Variants in MPRIP observed in about 807,000 individuals in gnomAD.
MPRIP encodes the protein myosin phosphatase Rho interacting protein.
Under a neutral mutation model 234.9 loss-of-function variants are expected in MPRIP, and 59 were observed. The ratio of observed to expected loss-of-function variants is 0.25; its 90% CI spans 0.20 to 0.31. MPRIP has a LOEUF of 0.31. Among genes scored for constraint, MPRIP ranks in the 10% least tolerant of loss-of-function variants. The pLI, the probability that MPRIP is intolerant of heterozygous loss-of-function variation, is 1.00. For synonymous variants in MPRIP, 1,144 were observed against 1,263.9 expected (o/e 0.91, Z 2.01); for missense variants, 2,436 against 3,071.0 (o/e 0.79, Z 4.89).
rs1567752454 is a variant in MPRIP, at chr17:17,150,241, C to T, written c.1719+8C>T. ...TATGGCTTCCAGATACATGTGAGTC[C>T]AGGGATGGAAGTGGGGCCACAGGCT... On this transcript the variant is annotated splice_region_variant and intron_variant, in intron 12 of 23. Transcript: ENST00000651222. 2 of 1,603,142 alleles carry T rather than the reference C, an allele frequency of 1.2e-6. No individual in the cohort carries two copies. Among genetic ancestry groups the T allele is most frequent in the Non-Finnish European group, 8.5e-7 (1 of 1,170,532 alleles).
intron 3 of MPRIP, among the ~76,000 whole-genome samples, chr17:17,092,605 C>T (rs1052103220): frequency 6.6e-6 from 1 of 152,118 alleles, no homozygotes; most frequent in African/African-American, 2.4e-5. Context: ...TCTCCTGCAG[C>T]CCATGGGATC....
In MPRIP at chr17:17,171,866, GT is replaced by G. The variant is rs3215213; in HGVS notation, c.6472+3del. On this transcript the variant is annotated splice_donor_variant, in intron 17 of 23. Transcript: ENST00000651222. LOFTEE classifies it high-confidence loss of function. ...GAGGAGACAGCGGCCACCATCTCAG[GT>G]TGGGGGGTGGGGTAACCCTGAGGGC... The G allele has an allele frequency of 0.1, 165,532 of 1,612,360 alleles. 13,116 individuals are homozygous for G. The highest frequency in any genetic ancestry group is 0.32 in the East Asian group (14,415 of 44,864).
intron 3 of MPRIP, among the ~76,000 whole-genome samples, chr17:17,102,174 C>T (rs182332297): frequency 6.6e-6 from 1 of 152,292 alleles, no homozygotes; most frequent in Admixed American, 6.5e-5. Flanking sequence ...AGGCATGAGC[C>T]ACCGCACCCA....
chr17:17,104,306 G>A (rs2090020739), intron 3 of MPRIP, among the ~76,000 whole-genome samples: 1 of 152,188 alleles, frequency 6.6e-6, no homozygotes, highest in Admixed American at 6.5e-5. Context: ...TTCTGGATGT[G>A]CATACAGCAG....
chr17:17,174,094 G>A lies in MPRIP; in HGVS notation c.6750+19G>A, dbSNP rs1357756929. The A allele has an allele frequency of 5.6e-6, 9 of 1,611,862 alleles. No homozygotes were observed. The South Asian group carries it at 9.9e-5, about 18-fold the overall frequency. On this transcript the variant is annotated intron_variant, in intron 19 of 23. Transcript: ENST00000651222. ...CAACCAGGTGAGCCTGCAGCCAGGT[G>A]AGCCCAAGGTTAGTCAGGGGCACTC... is the stretch of plus-strand genomic sequence containing the variant.
intron 1 of MPRIP, among the ~76,000 whole-genome samples, chr17:17,068,722 G>T (rs770774951): frequency 5.9e-5 from 9 of 151,818 alleles, no homozygotes; most frequent in Middle Eastern, 6.8e-3. Flanking sequence ...GTAGAGATGG[G>T]GTTTCACTGT....
intron 1 of MPRIP, 150 bp from the exon 2 acceptor site, chr17:17,075,560 G>T (rs539590308): frequency 1.4e-4 from 101 of 697,906 alleles, no homozygotes; most frequent in Non-Finnish European, 1.6e-4. Flanking sequence ...CTCTCAAGCA[G>T]CTGCAGACGC....
In MPRIP at chr17:17,075,773, G is replaced by T; in HGVS notation, c.187G>T (p.Val63Leu). 6.2e-7 allele frequency: 1 copy of T among 1,614,104 alleles called. No individual in the cohort carries two copies. The highest frequency in any genetic ancestry group is 8.5e-7 in the Non-Finnish European group (1 of 1,180,006). The change falls in exon 2 of 24, where the codon GTG becomes TTG. Residue 63 changes from valine (V) to leucine (L), a missense_variant. By Grantham distance (32) the Val-to-Leu change is conservative (BLOSUM62 1). Around this residue, in one of 4 missense-constraint regions of MPRIP, gnomAD observed 140 missense variants for 207.3 expected, o/e 0.68. Coordinates refer to ENST00000651222, the MANE Select transcript of MPRIP (RefSeq NM_001364716.4). ...APDGTDFDNP[V>L]HRSRKWQRRF... ...AGATGGGACCGACTTTGACAACCCA[G>T]TGCACCGGTCTCGGGTAAGGGCATC...
At chr17:17,179,308 ATGG>A (rs1251293586) in intron 22 of MPRIP, among the ~76,000 whole-genome samples, 1 of 152,026 alleles carries the variant, frequency 6.6e-6, no homozygotes, top group African/African-American at 2.4e-5. Flanking sequence ...TTAGCTGGAC[ATGG>A]TGGCACGCAC....
At chr17:17,104,673 G>T (rs907980325) in intron 3 of MPRIP, among the ~76,000 whole-genome samples, 3 of 152,132 alleles carry the variant, frequency 2.0e-5, no homozygotes, top group Non-Finnish European at 4.4e-5. Flanking sequence ...TTTCCGCTGC[G>T]TCTGCTCCTT....
rs1446369926 is a variant in MPRIP, at chr17:17,165,041, G to A, written c.3450G>A (p.Gln1150=). 1 of 1,302,064 alleles carries A rather than the reference G, an allele frequency of 7.7e-7. No homozygotes were observed. Among genetic ancestry groups the A allele is most frequent in the Non-Finnish European group, 1.0e-6 (1 of 988,942 alleles). The allele number at this position is 1,302,064 out of a possible 1,614,324, so 80.7% of individuals were successfully genotyped here. A position where few individuals can be genotyped will look rare whatever the true frequency, so the allele number is the denominator to read the frequency against. The change falls in exon 16 of 24, where the codon CAG becomes CAA. Residue 1150 remains glutamine, a synonymous_variant. Coordinates refer to ENST00000651222, the MANE Select transcript of MPRIP (RefSeq NM_001364716.4). ...ADNQSLEHSY[Q]RVSSQLQSMH... The stretch of plus-strand genomic sequence containing the variant: ...ACCAGAGCCTGGAGCACTCCTACCA[G>A]AGGGTCTCCAGCCAGCTGCAGAGCA...
intron 3 of MPRIP, among the ~76,000 whole-genome samples, chr17:17,091,664 C>T (rs975930451): frequency 8.5e-5 from 13 of 152,280 alleles, no homozygotes; most frequent in East Asian, 1.9e-4. Context: ...GCGGTCCTCC[C>T]GGCCCTGCTT....
intron 5 of MPRIP, among the ~76,000 whole-genome samples, chr17:17,134,486 T>G (rs1349196977): frequency 6.6e-6 from 1 of 152,212 alleles, no homozygotes; most frequent in Non-Finnish European, 1.5e-5. Context: ...CTTCACTGTT[T>G]GCTTCCGAGA....
intron 22 of MPRIP, chr17:17,179,463 AAAG>A (rs2046327368): frequency 6.6e-6 from 1 of 152,166 alleles, no homozygotes; most frequent in South Asian, 2.1e-4. Context: ...AAAAAAAAAA[AAAG>A]CAAAACAAAA....
intron 16 of MPRIP, chr17:17,171,341 G>T: frequency 5.4e-6 from 1 of 183,514 alleles, no homozygotes; most frequent in South Asian, 1.2e-4. Flanking sequence ...CTGCCCACGT[G>T]CTCTCTCTTC....
chr17:17,097,032 G>T, intron 3 of MPRIP: 1 of 322,946 alleles, frequency 3.1e-6, no homozygotes, highest in South Asian at 2.5e-5. Context: ...CCCTGGGGAA[G>T]AACAATCTAG....
intron 3 of MPRIP, among the ~76,000 whole-genome samples, chr17:17,105,245 C>T (rs2090040491): frequency 6.6e-6 from 1 of 152,144 alleles, no homozygotes; most frequent in South Asian, 2.1e-4. Flanking sequence ...GGTCGAGGGC[C>T]CAACAGGGAT....
chr17:17,094,468 C>A (rs2144168425), intron 3 of MPRIP, among the ~76,000 whole-genome samples: 1 of 152,168 alleles, frequency 6.6e-6, no homozygotes, highest in East Asian at 1.9e-4. Context: ...TGAAGATATG[C>A]CTTGGTGTGG....
At chr17:17,130,427 A>C in intron 4 of MPRIP, among the ~76,000 whole-genome samples, 3 of 128,736 alleles carry the variant, frequency 2.3e-5, no homozygotes, top group South Asian at 2.5e-4. Flanking sequence ...TCGCTCCTCT[A>C]TCCCTTTTCC....
Sources: allele counts gnomAD v4.1 joint callset (sites outside exome capture counted in the v4.1 genomes callset), GRCh38; gene constraint gnomAD v4.1.1; regional missense constraint gnomAD v4.1.1; transcripts MANE v1.5; gene names NCBI Gene and HGNC (gene_info 2026-07-23, HGNC 2026-07-21).